The following RAD18 variants were observed in gnomAD, a reference collection of about 807,000 sequenced individuals.
RAD18 encodes the protein RAD18 E3 ubiquitin protein ligase, also known as E3 ubiquitin-protein ligase RAD18.
A neutral mutation model predicts 60.4 loss-of-function variants in RAD18; 47 were observed. The observed-to-expected ratio is 0.78, with a 90% CI of 0.62 to 0.99. The LOEUF (loss-of-function observed/expected upper bound fraction) is 0.99, where lower values mean the gene tolerates loss of function less well. Among genes scored for constraint, RAD18 ranks in the 50% least tolerant of loss-of-function variants. The pLI is 0.00. For missense variants in RAD18, 640 were observed against 593.3 expected (o/e 1.08, Z -0.82); for synonymous variants, 225 against 195.5 (o/e 1.15, Z -1.26).
chr3:8,950,790 G>C (rs1379903199), intron 2 of RAD18, among the ~76,000 whole-genome samples: 2 of 152,170 alleles, frequency 1.3e-5, no homozygotes, highest in African/African-American at 4.8e-5. Context: ...CAACATGCAA[G>C]AACAGATGGG....
At chr3:8,882,786 G>A (rs1430840423) in intron 12 of RAD18, among the ~76,000 whole-genome samples, 1 of 152,186 alleles carries the variant, frequency 6.6e-6, no homozygotes, top group African/African-American at 2.4e-5. Context: ...ATGCACTGAA[G>A]GTCACATTAG....
At chr3:8,893,814 A>G (rs1939739514) in intron 11 of RAD18, among the ~76,000 whole-genome samples, 1 of 149,810 alleles carries the variant, frequency 6.7e-6, no homozygotes, top group Non-Finnish European at 1.5e-5. Flanking sequence ...CTCCCACCAC[A>G]TCTCCTGAGT....
At chr3:8,902,970 G>C (rs1170067743) in intron 9 of RAD18, among the ~76,000 whole-genome samples, 1 of 151,498 alleles carries the variant, frequency 6.6e-6, no homozygotes, top group Non-Finnish European at 1.5e-5. Context: ...AGGTTTCAGT[G>C]ACCCGAGATT....
At chr3:8,958,469 G>A (rs193076107) in intron 2 of RAD18, among the ~76,000 whole-genome samples, 3 of 152,286 alleles carry the variant, frequency 2.0e-5, no homozygotes, top group African/African-American at 7.2e-5. Context: ...AGCAGTTAAG[G>A]TATAAAACTG....
At chr3:8,942,048 A>G (rs1218421815) in intron 4 of RAD18, among the ~76,000 whole-genome samples, 3 of 152,236 alleles carry the variant, frequency 2.0e-5, no homozygotes, top group Admixed American at 2.0e-4. Context: ...AACAGCTTAT[A>G]TGAGACCTAA....
At chr3:8,886,511 C>T (rs557299195) in intron 12 of RAD18, among the ~76,000 whole-genome samples, 1 of 152,338 alleles carries the variant, frequency 6.6e-6, no homozygotes, top group East Asian at 1.9e-4. Flanking sequence ...AGTGAATACA[C>T]TCAGATCCCA....
chr3:8,958,458 T>C (rs1013430691), intron 2 of RAD18, among the ~76,000 whole-genome samples: 2 of 152,256 alleles, frequency 1.3e-5, no homozygotes, highest in East Asian at 1.9e-4. Context: ...CAGCGTCACA[T>C]AGCAGTTAAG....
At chr3:8,915,333 T>TA (rs903306174) in intron 7 of RAD18, among the ~76,000 whole-genome samples, 1 of 152,028 alleles carries the variant, frequency 6.6e-6, no homozygotes, top group Non-Finnish European at 1.5e-5. Context: ...CCATCAGAGC[T>TA]AAAGTAAGAG....
At chr3:8,918,388 T>C (rs1940247505) in intron 7 of RAD18, among the ~76,000 whole-genome samples, 1 of 147,564 alleles carries the variant, frequency 6.8e-6, no homozygotes, top group African/African-American at 2.5e-5. Context: ...GAAGACATAA[T>C]CTTAAATGTG....
intron 4 of RAD18, among the ~76,000 whole-genome samples, chr3:8,945,563 C>G (rs1325281288): frequency 1.3e-5 from 2 of 149,080 alleles, no homozygotes; most frequent in African/African-American, 4.9e-5. Flanking sequence ...CCTCCAACTC[C>G]CTGGTTCAAG....
rs1179954635 is a variant in RAD18, at chr3:8,947,217, T to TA, written c.266+2dup. The TA allele has an allele frequency of 1.3e-6, 2 of 1,591,988 alleles. No homozygotes were observed. The highest frequency in any genetic ancestry group is 1.7e-5 in the Admixed American group (1 of 59,730). Reference sequence around the variant, plus strand: ...AGAGGTTAGTCACAAAATTAAATCATACCGTGCAAAATTCAAGCTTTTTAC... The same window carrying TA: ...AGAGGTTAGTCACAAAATTAAATCATAACCGTGCAAAATTCAAGCTTTTTAC... On this transcript the variant is annotated splice_region_variant and intron_variant, in intron 4 of 12. Transcript: ENST00000264926.
intron 7 of RAD18, among the ~76,000 whole-genome samples, chr3:8,924,091 G>C (rs1940380340): frequency 6.6e-6 from 1 of 152,154 alleles, no homozygotes; most frequent in East Asian, 1.9e-4. Context: ...TGGGCTAAAT[G>C]CTCCAATTAA....
chr3:8,898,722 A>T (rs1470498303), intron 11 of RAD18, among the ~76,000 whole-genome samples, 172 bp downstream of exon 11: 1 of 152,164 alleles, frequency 6.6e-6, no homozygotes, highest in African/African-American at 2.4e-5. Flanking sequence ...TACCTTCCCA[A>T]ATCCTGCCTT....
intron 1 of RAD18, 23 bp downstream of exon 1, chr3:8,963,309 GCTC>G: frequency 6.3e-7 from 1 of 1,595,686 alleles, no homozygotes; most frequent in Admixed American, 1.7e-5. Context: ...ACACCCGGGA[GCTC>G]CCAAACTCCC....
In RAD18 at chr3:8,879,449, G is replaced by A; in HGVS notation, c.*1908C>T. 6.6e-6 allele frequency: 1 copy of A among 152,350 alleles called. No individual in the cohort carries two copies. The highest frequency in any genetic ancestry group is 1.9e-4 in the East Asian group (1 of 5,202). 9.4% of individuals were successfully genotyped at this position (152,350 alleles called of 1,614,324 possible). A position where few individuals can be genotyped will look rare whatever the true frequency, so the allele number is the denominator to read the frequency against. On this transcript the variant is annotated 3_prime_UTR_variant, in exon 13 of 13. Transcript: ENST00000264926. Reference sequence around the variant, plus strand: ...ACCATGAGTGGAAGCCAAGGAGAGAGGCCGAAGAAGAAACCCTACTGATCT... The same window carrying A: ...ACCATGAGTGGAAGCCAAGGAGAGAAGCCGAAGAAGAAACCCTACTGATCT...
Position 8,914,668 on chromosome 3 carries a change from T to C in RAD18, c.890-948A>G, listed in dbSNP as rs148755546. ...CTTTTGCCTCCTTGATATTGTAAAA[T>C]CAGTAGAAACAATGTAAACAATCTC... On this transcript the variant is annotated intron_variant, in intron 7 of 12. Coordinates refer to ENST00000264926, the MANE Select transcript of RAD18 (RefSeq NM_020165.4). Among the ~76,000 whole-genome samples the C allele has an allele frequency of 1.9e-3, 289 of 152,224 alleles. 2 individuals carry two copies. Among genetic ancestry groups the C allele is most frequent in the African/African-American group, 6.3e-3 (263 of 41,546 alleles).
At chr3:8,955,479 G>T (rs892542267) in intron 2 of RAD18, among the ~76,000 whole-genome samples, 1 of 152,210 alleles carries the variant, frequency 6.6e-6, no homozygotes, top group African/African-American at 2.4e-5. Context: ...ATATAGCTCT[G>T]CGGCTTATCT....
chr3:8,947,549 A>G lies in RAD18; in HGVS notation c.196-259T>C, dbSNP rs45555837. Reference sequence around the variant, plus strand: ...TCATATATACTCTGTACTGACTACAATCAAACCTAATATAAGCAAGAATCT... The same window carrying G: ...TCATATATACTCTGTACTGACTACAGTCAAACCTAATATAAGCAAGAATCT... On this transcript the variant is annotated intron_variant, in intron 3 of 12. Coordinates refer to ENST00000264926, the MANE Select transcript of RAD18 (RefSeq NM_020165.4). Among the ~76,000 whole-genome samples, 5 of 152,344 alleles carry G rather than the reference A, an allele frequency of 3.3e-5. No individual in the cohort carries two copies. In the East Asian group the frequency reaches 7.7e-4, roughly 23 times the overall value.
chr3:8,953,662 G>A (rs1940961380), intron 2 of RAD18, among the ~76,000 whole-genome samples: 1 of 152,118 alleles, frequency 6.6e-6, no homozygotes, highest in African/African-American at 2.4e-5. Context: ...AGTGGAGGAA[G>A]GTACAATAAC....
Sources: gnomAD v4.1 joint callset for allele counts (sites outside exome capture counted in the v4.1 genomes callset) on GRCh38, gnomAD v4.1.1 for gene constraint, MANE v1.5 for transcripts, NCBI Gene and HGNC (gene_info 2026-07-23, HGNC 2026-07-21) for gene names.